MYO10: variants seen among roughly 807,000 people sequenced by gnomAD.
MYO10 encodes unconventional myosin-X.
In MYO10, 133 loss-of-function variants were observed where a neutral mutation model predicts 257.3. The observed-to-expected ratio is 0.52, with a 90% CI of 0.45 to 0.60. The LOEUF is 0.60. Ranked by LOEUF, MYO10 falls within the 20% of genes least tolerant of loss-of-function variation. MYO10 has a pLI of 0.00. For synonymous variants in MYO10, 1,104 were observed against 1,028.6 expected (o/e 1.07, Z -1.40); for missense variants, 2,399 against 2,635.7 (o/e 0.91, Z 1.97).
chr5:16,833,426 C>G (rs1438547276), intron 2 of MYO10, among the ~76,000 whole-genome samples: 1 of 152,020 alleles, frequency 6.6e-6, no homozygotes, highest in Non-Finnish European at 1.5e-5. Context: ...GTTGGCCAGG[C>G]TGGTCTCGAA....
chr5:16,805,415 T>G (rs1742242625), intron 3 of MYO10, among the ~76,000 whole-genome samples: 2 of 130,802 alleles, frequency 1.5e-5, no homozygotes, highest in African/African-American at 3.0e-5. Flanking sequence ...TGAACCATCA[T>G]GGCACTGCAC....
chr5:16,900,328 A>C (rs1462943043), intron 1 of MYO10, among the ~76,000 whole-genome samples: 1 of 152,216 alleles, frequency 6.6e-6, no homozygotes, highest in Non-Finnish European at 1.5e-5. Context: ...TTTCAACATG[A>C]TCATGGAAAG....
At chr5:16,753,151 G>A (rs1381844899) in intron 19 of MYO10, among the ~76,000 whole-genome samples, 1 of 152,076 alleles carries the variant, frequency 6.6e-6, no homozygotes, top group Admixed American at 6.6e-5. Flanking sequence ...TTGTGGTTCT[G>A]GTTTTTTGTT....
chr5:16,710,802 G>A, intron 21 of MYO10, 106 bp downstream of exon 21: 3 of 922,650 alleles, frequency 3.3e-6, no homozygotes, highest in Non-Finnish European at 5.0e-6. Context: ...TCTTCCCAAT[G>A]TGAAAGAACA....
intron 1 of MYO10, among the ~76,000 whole-genome samples, chr5:16,920,230 C>T (rs1452534285): frequency 6.6e-6 from 1 of 151,688 alleles, no homozygotes; most frequent in East Asian, 1.9e-4. Flanking sequence ...ACCGACATTG[C>T]GCCACTGCAC....
intron 9 of MYO10, among the ~76,000 whole-genome samples, chr5:16,777,839 C>CTTTTTTTTTTTTTTTTTTTTTTT (rs61326508): frequency 1.1e-5 from 1 of 88,476 alleles, no homozygotes; most frequent in African/African-American, 5.4e-5. Context: ...TTGCATCTAA[C>CTTTTTTTTTTTTTTTTTTTTTTT]TTTTTTTTTT....
chr5:16,729,547 G>A (rs1739501634), intron 19 of MYO10, among the ~76,000 whole-genome samples: 1 of 151,594 alleles, frequency 6.6e-6, no homozygotes, highest in African/African-American at 2.4e-5. Flanking sequence ...TGCCTCCCGG[G>A]TTCACACCAT....
At chr5:16,779,781 C>G in intron 8 of MYO10, 133 bp from the exon 9 acceptor site, 1 of 521,650 alleles carries the variant, frequency 1.9e-6, no homozygotes, top group Non-Finnish European at 3.4e-6. Flanking sequence ...TAATAAAGTT[C>G]CCTCTTAGTT....
At chr5:16,871,924 A>C (rs1464594463) in intron 2 of MYO10, among the ~76,000 whole-genome samples, 1 of 152,228 alleles carries the variant, frequency 6.6e-6, no homozygotes, top group East Asian at 1.9e-4. Flanking sequence ...TGGACAACAT[A>C]AAACTAAGCA....
intron 4 of MYO10, among the ~76,000 whole-genome samples, chr5:16,788,399 G>A (rs1466007477): frequency 6.6e-6 from 1 of 152,124 alleles, no homozygotes; most frequent in East Asian, 1.9e-4. Flanking sequence ...CTTATGACTG[G>A]CATACTTTAC....
chr5:16,711,651 ACG>A (rs1561201818), intron 19 of MYO10, among the ~76,000 whole-genome samples: 15 of 150,590 alleles, frequency 1.0e-4, no homozygotes, highest in Non-Finnish European at 1.5e-4. Flanking sequence ...GCGTGGTGGC[ACG>A]CGCCTGTAGT....
At position 16,701,143 on chromosome 5, in the gene MYO10, G is replaced by C. The variant is rs534291001; in HGVS notation, c.3252C>G (p.Ser1084=). 2 of 1,601,704 alleles carry C rather than the reference G, an allele frequency of 1.2e-6. No individual in the cohort carries two copies. Among genetic ancestry groups the C allele is most frequent in the African/African-American group, 2.7e-5 (2 of 74,872 alleles). ...GGTCGTAGTCGTAGTCGCCGTCTGG[G>C]GAGGGCAAGTCCCCAGCGTTCTGGG... ...CMPQNAGDLP[S]PDGDYDYDQD... Residue 1084 remains serine (S), a synonymous_variant, in exon 25 of 41, where the codon TCC becomes TCG. Coordinates refer to ENST00000513610, the MANE Select transcript of MYO10 (RefSeq NM_012334.3). The surrounding 1 kb of genome is among the most constrained non-coding windows in gnomAD (Gnocchi z 8.1).
intron 1 of MYO10, among the ~76,000 whole-genome samples, chr5:16,932,957 C>T (rs1470623640): frequency 6.6e-6 from 1 of 152,146 alleles, no homozygotes; most frequent in Non-Finnish European, 1.5e-5. Flanking sequence ...TGAGGTTTCA[C>T]CATGTTGCCC....
intron 3 of MYO10, among the ~76,000 whole-genome samples, chr5:16,796,525 C>T (rs1179441051): frequency 2.7e-5 from 4 of 150,292 alleles, no homozygotes; most frequent in Admixed American, 2.0e-4. Flanking sequence ...ATAGAGGCTA[C>T]AGAGTTACCA....
rs993056679 is a variant in MYO10, at chr5:16,902,207, G to A, written c.22-24500C>T. ...ATTACAGGTGCCCACCACCAGGCCC[G>A]GCTAATTTTTTTTTTTTTAAAGTAC... On this transcript the variant is annotated intron_variant, in intron 1 of 40. Transcript: ENST00000513610. 1.1e-4 allele frequency: 74 copies of A among 644,238 alleles called. 1 individual carries two copies. In the Middle Eastern group the frequency reaches 2.4e-3, roughly 21 times the overall value. The allele number at this position is 644,238 out of a possible 1,614,324, so 39.9% of individuals were successfully genotyped here.
At chr5:16,789,544 T>C (rs1322152962) in intron 4 of MYO10, among the ~76,000 whole-genome samples, 1 of 152,130 alleles carries the variant, frequency 6.6e-6, no homozygotes, top group African/African-American at 2.4e-5. Flanking sequence ...TCTTAGCACT[T>C]TGGGAGGCTG....
At chr5:16,898,557 G>A (rs1211930632) in intron 1 of MYO10, among the ~76,000 whole-genome samples, 4 of 151,700 alleles carry the variant, frequency 2.6e-5, no homozygotes, top group African/African-American at 9.7e-5. Flanking sequence ...GGATTACAGG[G>A]GCCCGCCACA....
At chr5:16,901,080 G>C (rs1745364241) in intron 1 of MYO10, among the ~76,000 whole-genome samples, 1 of 151,994 alleles carries the variant, frequency 6.6e-6, no homozygotes, top group Non-Finnish European at 1.5e-5. Flanking sequence ...GGAGCAGCCT[G>C]TAGACTGTGC....
chr5:16,725,473 C>A (rs1164679941), intron 19 of MYO10, among the ~76,000 whole-genome samples: 1 of 152,120 alleles, frequency 6.6e-6, no homozygotes, highest in African/African-American at 2.4e-5. Flanking sequence ...ATGTTTCTAC[C>A]ATTGAACTGA....
Sources: gnomAD v4.1 joint callset for allele counts (sites outside exome capture counted in the v4.1 genomes callset) on GRCh38, gnomAD v4.1.1 for gene constraint, Gnocchi (gnomAD v3.1) non-coding constraint, MANE v1.5 for transcripts, NCBI Gene and HGNC (gene_info 2026-07-23, HGNC 2026-07-21) for gene names.